Variants in ZNF83 observed in about 807,000 individuals in gnomAD.
ZNF83 encodes the protein zinc finger protein 816B.
For synonymous variants in ZNF83, 209 were observed against 213.0 expected (o/e 0.98, Z 0.17); for missense variants, 552 against 629.9 (o/e 0.88, Z 1.32).
chr19:52,642,082 T>A (rs2061314020), upstream of ZNF83, among the ~76,000 whole-genome samples: 2 of 152,084 alleles, frequency 1.3e-5, no homozygotes, highest in Admixed American at 1.3e-4. Flanking sequence ...TCTGAATTTT[T>A]ACATAAATAG....
chr19:52,677,462 G>T (rs1005577802), intron 1 of ZNF83, among the ~76,000 whole-genome samples: 3 of 151,936 alleles, frequency 2.0e-5, no homozygotes, highest in Non-Finnish European at 2.9e-5. Flanking sequence ...CACCAGCATG[G>T]GTGACAGAGT....
chr19:52,671,984 G>A (rs1450115063), intron 1 of ZNF83, among the ~76,000 whole-genome samples: 1 of 152,142 alleles, frequency 6.6e-6, no homozygotes, highest in Non-Finnish European at 1.5e-5. Flanking sequence ...TGTAATCCCA[G>A]CACTTTGGGA....
chr19:52,633,810 T>A (rs2061053922), intron 2 of ZNF83, among the ~76,000 whole-genome samples: 1 of 152,064 alleles, frequency 6.6e-6, no homozygotes, highest in Admixed American at 6.5e-5. Context: ...CTCAGGAGGC[T>A]GAGGAAGGCG....
chr19:52,665,730 G>A (rs887207265), intron 1 of ZNF83, among the ~76,000 whole-genome samples: 4 of 152,124 alleles, frequency 2.6e-5, no homozygotes, highest in Admixed American at 2.0e-4. Context: ...CTTAGCCTGT[G>A]CGGTCTAATC....
chr19:52,657,796 G>A (rs1444527199), intron 2 of ZNF83, among the ~76,000 whole-genome samples: 2 of 151,414 alleles, frequency 1.3e-5, no homozygotes, highest in Non-Finnish European at 2.9e-5. Flanking sequence ...GCAGTGAGCC[G>A]AGATTGCATC....
chr19:52,648,552 C>A (rs1275249779), intron 3 of ZNF83, among the ~76,000 whole-genome samples: 1 of 152,142 alleles, frequency 6.6e-6, no homozygotes, highest in Non-Finnish European at 1.5e-5. Context: ...CTGTATTTAG[C>A]CAGTTCTTTT....
At chr19:52,672,353 C>G (rs2061737948) in intron 1 of ZNF83, among the ~76,000 whole-genome samples, 1 of 152,214 alleles carries the variant, frequency 6.6e-6, no homozygotes, top group African/African-American at 2.4e-5. Context: ...TCCCACATCC[C>G]TAGCTATGGA....
intron 2 of ZNF83, among the ~76,000 whole-genome samples, chr19:52,631,475 T>C (rs1356513967): frequency 6.6e-6 from 1 of 152,142 alleles, no homozygotes; most frequent in African/African-American, 2.4e-5. Flanking sequence ...CAAACTATGC[T>C]CAACTTACTC....
Position 52,687,554 on chromosome 19 carries a change from G to A in ZNF83, c.-283+2889C>T, listed in dbSNP as rs370580092. Among the ~76,000 whole-genome samples, 142 of 20,844 alleles carry A rather than the reference G, an allele frequency of 6.8e-3. 26 individuals are homozygous for A. The highest frequency in any genetic ancestry group is 9.4e-3 in the African/African-American group (39 of 4,148). The allele number at this position is 20,844 out of a possible 152,430, so 13.7% of individuals were successfully genotyped here. A position where few individuals can be genotyped will look rare whatever the true frequency, so the allele number is the denominator to read the frequency against. Reference sequence around the variant, plus strand: ...TAAATTATATATATAAATTATATGTGTAAATTTTATATATATATAAATTTT... The same window carrying A: ...TAAATTATATATATAAATTATATGTATAAATTTTATATATATATAAATTTT... On this transcript the variant is annotated intron_variant, in intron 1 of 5. Coordinates refer to the ZNF83 transcript ENST00000594682.
At chr19:52,682,753 C>G (rs925622526) in intron 1 of ZNF83, among the ~76,000 whole-genome samples, 1 of 152,122 alleles carries the variant, frequency 6.6e-6, no homozygotes, top group Non-Finnish European at 1.5e-5. Context: ...GCCTATCCTT[C>G]TAGCTCTTTG....
At chr19:52,655,745 A>G in intron 2 of ZNF83, 1 of 717,872 alleles carries the variant, frequency 1.4e-6, no homozygotes, top group South Asian at 1.7e-5. Flanking sequence ...CCTTCACACA[A>G]AATGAGAAAA....
intron 1 of ZNF83, among the ~76,000 whole-genome samples, chr19:52,664,120 G>A (rs1355899837): frequency 6.6e-6 from 1 of 151,924 alleles, no homozygotes; most frequent in Non-Finnish European, 1.5e-5. Flanking sequence ...CTGAAATTAG[G>A]TGATCCACCA....
chr19:52,644,448 C>T (rs1423009464), intron 3 of ZNF83, among the ~76,000 whole-genome samples: 1 of 152,102 alleles, frequency 6.6e-6, no homozygotes, highest in East Asian at 1.9e-4. Context: ...TGTCTGAATT[C>T]TTACATGTGG....
At chr19:52,621,180 G>C (rs1198957418) in intron 2 of ZNF83, among the ~76,000 whole-genome samples, 1 of 152,182 alleles carries the variant, frequency 6.6e-6, no homozygotes, top group African/African-American at 2.4e-5. Flanking sequence ...TCCATGAGGA[G>C]CTCCAGCTAC....
At chr19:52,623,124 G>C (rs1241853139) in intron 2 of ZNF83, among the ~76,000 whole-genome samples, 2 of 152,190 alleles carry the variant, frequency 1.3e-5, no homozygotes, top group African/African-American at 4.8e-5. Context: ...AAATCAGACT[G>C]TCCAGCTCAC....
At chr19:52,630,885 T>C (rs1089757) in intron 2 of ZNF83, among the ~76,000 whole-genome samples, 34,737 of 151,670 alleles carry the variant, frequency 0.23, 4,563 homozygotes, top group East Asian at 0.46. Context: ...TAAAACCAGA[T>C]AAGACTTAAT....
At chr19:52,623,202 C>A (rs374528771) in intron 2 of ZNF83, among the ~76,000 whole-genome samples, 6 of 152,202 alleles carry the variant, frequency 3.9e-5, no homozygotes, top group Admixed American at 3.3e-4. Context: ...CAGATCTGCT[C>A]GGCTTAGCAG....
intron 1 of ZNF83, among the ~76,000 whole-genome samples, chr19:52,669,684 T>C (rs2061697435): frequency 6.6e-6 from 1 of 152,180 alleles, no homozygotes; most frequent in South Asian, 2.1e-4. Context: ...CTTTTCAGGA[T>C]GGCTAGAAAA....
chr19:52,629,449 G>A (rs2060868126), intron 2 of ZNF83, among the ~76,000 whole-genome samples: 1 of 151,902 alleles, frequency 6.6e-6, no homozygotes, highest in Admixed American at 6.6e-5. Flanking sequence ...CTCCTCCCCA[G>A]GCTGCTCCTT....
Sources: gnomAD v4.1 joint callset for allele counts (sites outside exome capture counted in the v4.1 genomes callset) on GRCh38, gnomAD v4.1.1 for gene constraint, MANE v1.5 for transcripts, NCBI Gene and HGNC (gene_info 2026-07-23, HGNC 2026-07-21) for gene names.